OCA2: variants seen among roughly 807,000 people sequenced by gnomAD.
OCA2 encodes OCA2 melanosomal transmembrane protein, also known as P protein.
Under a neutral mutation model 100.2 loss-of-function variants are expected in OCA2, and 77 were observed. The observed-to-expected ratio is 0.77, with a 90% confidence interval of 0.64 to 0.93. OCA2 has a LOEUF of 0.93. OCA2 is among the 40% of genes least tolerant of loss of function. OCA2 has a pLI of 0.00. For synonymous variants in OCA2, 432 were observed against 439.2 expected (o/e 0.98, Z 0.21); for missense variants, 1,062 against 1,089.1 (o/e 0.98, Z 0.35).
At chr15:27,847,655 G>T (rs1326513105) in intron 22 of OCA2, among the ~76,000 whole-genome samples, 1 of 152,196 alleles carries the variant, frequency 6.6e-6, no homozygotes, top group Non-Finnish European at 1.5e-5. Flanking sequence ...AGATGTATTG[G>T]AAATAAAGTG....
intron 19 of OCA2, among the ~76,000 whole-genome samples, chr15:27,923,239 TC>T (rs1356622692): frequency 6.6e-6 from 1 of 152,220 alleles, no homozygotes; most frequent in Non-Finnish European, 1.5e-5. Context: ...CTTTTCTTTA[TC>T]CAGTCTACCA....
At chr15:28,082,632 A>G (rs983422262) in intron 1 of OCA2, among the ~76,000 whole-genome samples, 2 of 152,204 alleles carry the variant, frequency 1.3e-5, no homozygotes, top group African/African-American at 4.8e-5. Flanking sequence ...AAGAATAAGG[A>G]CAAGTGGTAC....
At chr15:27,893,971 C>A (rs572647095) in intron 19 of OCA2, among the ~76,000 whole-genome samples, 3 of 152,202 alleles carry the variant, frequency 2.0e-5, no homozygotes, top group African/African-American at 7.2e-5. Context: ...GATCTTTGTA[C>A]TTACTCTCTG....
intron 2 of OCA2, among the ~76,000 whole-genome samples, chr15:28,072,011 G>T (rs1201032073): frequency 6.6e-6 from 1 of 152,184 alleles, no homozygotes; most frequent in Non-Finnish European, 1.5e-5. Flanking sequence ...TACAAACTAT[G>T]CATCTGACAA....
rs77136874 is a variant in OCA2, at chr15:27,818,712, A to G, written c.2432+26247T>C. On this transcript the variant is annotated intron_variant, in intron 23 of 23. Transcript: ENST00000354638. ...GGAGGCTGTTGGGAGAAAACACTCT[A>G]CTGAGCTCTTGCATTTCTGAACATC... is the stretch of plus-strand genomic sequence containing the variant. Among the ~76,000 whole-genome samples, 334 of 152,290 alleles carry G rather than the reference A, an allele frequency of 2.2e-3. 1 individual carries two copies. The highest frequency in any genetic ancestry group is 3.6e-3 in the Non-Finnish European group (244 of 68,018).
intron 14 of OCA2, among the ~76,000 whole-genome samples, chr15:27,967,958 G>A (rs1381367528): frequency 1.3e-5 from 2 of 152,034 alleles, no homozygotes; most frequent in African/African-American, 2.4e-5. Flanking sequence ...TTTCACTGAC[G>A]TCCTGGAATA....
intron 19 of OCA2, among the ~76,000 whole-genome samples, chr15:27,917,587 C>T (rs754684171): frequency 3.3e-5 from 5 of 152,162 alleles, no homozygotes; most frequent in Admixed American, 1.3e-4. Context: ...ACCCATCCAT[C>T]TCCCCATTAT....
At chr15:27,845,660 C>A (rs556128325) in intron 22 of OCA2, among the ~76,000 whole-genome samples, 4 of 152,224 alleles carry the variant, frequency 2.6e-5, no homozygotes, top group East Asian at 3.9e-4. Context: ...ATCCAACCCC[C>A]CACACACACT....
chr15:27,882,092 A>G (rs947291209), intron 19 of OCA2, among the ~76,000 whole-genome samples: 8 of 152,046 alleles, frequency 5.3e-5, no homozygotes, highest in Non-Finnish European at 1.0e-4. Context: ...GAACTTCTTG[A>G]TTTCTGCCTT....
intron 23 of OCA2, among the ~76,000 whole-genome samples, chr15:27,827,250 C>T (rs2034765234): frequency 6.6e-6 from 1 of 152,088 alleles, no homozygotes. Context: ...TCACACAACG[C>T]GAGAGGGGCT....
chr15:27,966,696 T>C lies in OCA2; in HGVS notation c.1630A>G (p.Ile544Val), dbSNP rs1172037395. 7 of 1,613,982 alleles carry C rather than the reference T, an allele frequency of 4.3e-6. No individual in the cohort carries two copies. The highest frequency in any genetic ancestry group is 1.7e-5 in the Admixed American group (1 of 60,034). The change falls in exon 15 of 24, where the codon ATT becomes GTT. Residue 544 changes from isoleucine (I) to valine (V), a missense_variant. Coordinates refer to ENST00000354638, the MANE Select transcript of OCA2 (RefSeq NM_000275.3). The stretch of plus-strand genomic sequence containing the variant: ...AGGTTGCACTTGTACTCACCAACAA[T>C]CTCACTGGGTTCCTTGTTATAAAGC... ...RKLYNKEPSE[I>V]VELKHEIHVW...
chr15:27,857,496 C>A (rs953389886), intron 21 of OCA2, among the ~76,000 whole-genome samples: 1 of 151,662 alleles, frequency 6.6e-6, no homozygotes, highest in Admixed American at 6.6e-5. Context: ...GATAGTTGTA[C>A]AATAATATAA....
chr15:27,754,558 A>G (rs532497843), downstream of OCA2, among the ~76,000 whole-genome samples: 389 of 152,300 alleles, frequency 2.6e-3, 1 homozygote, highest in African/African-American at 8.6e-3. Context: ...CTTTGTTCTC[A>G]TTACCCTTAC....
chr15:27,908,779 G>T (rs1288257302), intron 19 of OCA2, among the ~76,000 whole-genome samples: 1 of 152,022 alleles, frequency 6.6e-6, no homozygotes, highest in African/African-American at 2.4e-5. Context: ...TTTTTATTGG[G>T]GTCTGACACA....
intron 19 of OCA2, among the ~76,000 whole-genome samples, chr15:27,913,868 AAAGAAAGAAAGAAAGAAAGAAAGAAAGC>A (rs2038518197): frequency 1.8e-5 from 1 of 55,436 alleles, no homozygotes; most frequent in African/African-American, 8.0e-5. Context: ...AGAAAGAAAG[AAAGAAAGAAAGAAAGAAAGAAAGAAAGC>A]AAGCAAGCAA....
intron 21 of OCA2, among the ~76,000 whole-genome samples, chr15:27,860,054 T>C (rs999782752): frequency 2.0e-5 from 3 of 152,126 alleles, no homozygotes; most frequent in African/African-American, 2.4e-5. Context: ...AAAGCAAACA[T>C]TGAACAACTA....
chr15:27,896,089 A>G, intron 19 of OCA2: 1 of 1,171,252 alleles, frequency 8.5e-7, no homozygotes, highest in Non-Finnish European at 1.3e-6. Flanking sequence ...TACAATGTGG[A>G]AAGCATTGAT....
At chr15:27,724,026 C>T in the OCA2 span, among the ~76,000 whole-genome samples, 86 of 152,272 alleles carry the variant, frequency 5.6e-4, 1 homozygote, top group African/African-American at 2.0e-3. Context: ...GCTGCTGTAA[C>T]TAGGCATCAT....
At chr15:28,084,836 C>G (rs2044749104) in intron 1 of OCA2, among the ~76,000 whole-genome samples, 1 of 152,254 alleles carries the variant, frequency 6.6e-6, no homozygotes, top group Non-Finnish European at 1.5e-5. Flanking sequence ...ACCATGTGGG[C>G]TCCTCCAGTA....
Sources: allele counts gnomAD v4.1 joint callset (sites outside exome capture counted in the v4.1 genomes callset), GRCh38; gene constraint gnomAD v4.1.1; transcripts MANE v1.5; gene names NCBI Gene and HGNC (gene_info 2026-07-23, HGNC 2026-07-21).